FIG4: variants seen among roughly 807,000 people sequenced by gnomAD.
FIG4 encodes the protein polyphosphoinositide phosphatase.
In FIG4, 112 loss-of-function variants were observed where a neutral mutation model predicts 118.6. The ratio of observed to expected loss-of-function variants is 0.94; its 90% CI spans 0.81 to 1.11. The LOEUF (loss-of-function observed/expected upper bound fraction) is 1.11. Among genes scored for constraint, FIG4 ranks in the 50% least tolerant of loss-of-function variants. The pLI, the probability that FIG4 is intolerant of heterozygous loss-of-function variation, is 0.00. For missense variants in FIG4, 969 were observed against 1,111.7 expected, an observed-to-expected ratio of 0.87 and a Z score of 1.83; for synonymous variants, 369 against 381.2, an observed-to-expected ratio of 0.97 and a Z score of 0.37.
chr6:109,802,975 G>A (rs770900875), intron 22 of FIG4, among the ~76,000 whole-genome samples: 24 of 152,088 alleles, frequency 1.6e-4, no homozygotes, highest in Non-Finnish European at 2.9e-4. Context: ...TATCACGAAC[G>A]AGAGCTTTCA....
At chr6:109,727,315 C>G (rs1775853543) in intron 4 of FIG4, 50 bp downstream of exon 4, 1 of 1,471,890 alleles carries the variant, frequency 6.8e-7, no homozygotes, top group South Asian at 1.1e-5. Flanking sequence ...AGGTCTTGCC[C>G]TGTTGCCCAG....
chr6:109,713,272 T>C (rs1052491389), intron 1 of FIG4, among the ~76,000 whole-genome samples: 1 of 152,150 alleles, frequency 6.6e-6, no homozygotes, highest in Non-Finnish European at 1.5e-5. Context: ...CCTGCCTCCA[T>C]GTGGGCATTC....
At chr6:109,779,145 G>A (rs760489231) in intron 16 of FIG4, among the ~76,000 whole-genome samples, 1 of 152,084 alleles carries the variant, frequency 6.6e-6, no homozygotes, top group Non-Finnish European at 1.5e-5. Flanking sequence ...TTTGTTGAGA[G>A]ATGGGTATAA....
chr6:109,716,415 A>G (rs766794640), intron 2 of FIG4, 30 bp from the exon 3 acceptor site: 2 of 1,611,080 alleles, frequency 1.2e-6, no homozygotes, highest in Non-Finnish European at 1.7e-6. Flanking sequence ...TTTAAGCACA[A>G]CCTTACAGAG....
intron 22 of FIG4, among the ~76,000 whole-genome samples, chr6:109,807,118 C>G (rs1438232999): frequency 6.6e-6 from 1 of 152,268 alleles, no homozygotes; most frequent in African/African-American, 2.4e-5. Context: ...CCTTTGGGTA[C>G]ATACCCAATA....
At chr6:109,758,643 A>G (rs1207229104) in intron 10 of FIG4, among the ~76,000 whole-genome samples, 2 of 152,226 alleles carry the variant, frequency 1.3e-5, no homozygotes, top group African/African-American at 2.4e-5. Context: ...CTGCACAGTA[A>G]AAGAAACTAT....
chr6:109,780,580 C>T (rs1180095008), intron 16 of FIG4, among the ~76,000 whole-genome samples: 1 of 152,090 alleles, frequency 6.6e-6, no homozygotes, highest in Admixed American at 6.6e-5. Context: ...ACGGGATGCC[C>T]ATAAAGTCTG....
At chr6:109,716,195 C>T (rs1003413390) in intron 2 of FIG4, among the ~76,000 whole-genome samples, 3 of 152,172 alleles carry the variant, frequency 2.0e-5, no homozygotes, top group Admixed American at 6.5e-5. Flanking sequence ...TAAATCTCTG[C>T]ATCTCTGGTT....
chr6:109,739,850 G>A (rs1043602222), intron 7 of FIG4, among the ~76,000 whole-genome samples: 5 of 152,156 alleles, frequency 3.3e-5, no homozygotes, highest in Non-Finnish European at 7.4e-5. Context: ...GAGCATTTGA[G>A]AGGAGTGGTG....
intron 21 of FIG4, among the ~76,000 whole-genome samples, chr6:109,794,259 C>T (rs561476888): frequency 6.6e-5 from 10 of 152,280 alleles, no homozygotes; most frequent in South Asian, 2.1e-4. Flanking sequence ...GGGCTAATAG[C>T]GCAGCAAGTA....
At chr6:109,815,990 A>G (rs1778852701) in intron 22 of FIG4, among the ~76,000 whole-genome samples, 1 of 152,194 alleles carries the variant, frequency 6.6e-6, no homozygotes, top group African/African-American at 2.4e-5. Flanking sequence ...TGCCAGTATT[A>G]AAGATAATTA....
At chr6:109,777,100 G>C in intron 16 of FIG4, 40 bp downstream of exon 16, 1 of 1,558,286 alleles carries the variant, frequency 6.4e-7, no homozygotes, top group Non-Finnish European at 8.8e-7. Flanking sequence ...CTCCCATTTG[G>C]TGTTATTTTG....
At chr6:109,788,609 C>T (rs1437702267) in intron 18 of FIG4, among the ~76,000 whole-genome samples, 1 of 152,184 alleles carries the variant, frequency 6.6e-6, no homozygotes, top group African/African-American at 2.4e-5. Context: ...TTGGGGGTTA[C>T]AGATACACCT....
chr6:109,750,095 C>T (rs1776643739), intron 10 of FIG4, among the ~76,000 whole-genome samples: 1 of 152,174 alleles, frequency 6.6e-6, no homozygotes, highest in African/African-American at 2.4e-5. Flanking sequence ...ATTCTACCAC[C>T]ATATGAAGAA....
In FIG4 at chr6:109,825,190, C is replaced by A; in HGVS notation, c.2649C>A (p.Ser883Arg). ...TCTTCCAAGCCCACATCCAGGCCAGCCAAGGTATCATGCAGCCCCTAGGAA... is the reference window on the plus strand; with the variant it reads ...TCTTCCAAGCCCACATCCAGGCCAGACAAGGTATCATGCAGCCCCTAGGAA... ...TEIFQAHIQA[S>R]QGIMQPLGKE... The change falls in exon 23 of 23, where the codon AGC becomes AGA. Residue 883 changes from serine to arginine, a missense_variant. This residue lies in a region of FIG4 where 330 missense variants were observed against 348.1 expected (regional missense o/e 0.95). Transcript: ENST00000230124. 6.2e-7 allele frequency: 1 copy of A among 1,614,056 alleles called. No homozygotes were observed. The highest frequency in any genetic ancestry group is 8.5e-7 in the Non-Finnish European group (1 of 1,179,962).
At chr6:109,816,073 A>C (rs966328936) in intron 22 of FIG4, among the ~76,000 whole-genome samples, 4 of 152,154 alleles carry the variant, frequency 2.6e-5, no homozygotes, top group Non-Finnish European at 5.9e-5. Context: ...AATCCAGTAC[A>C]CTCGGGCCAA....
At chr6:109,750,602 C>T (rs896578671) in intron 10 of FIG4, among the ~76,000 whole-genome samples, 3 of 152,012 alleles carry the variant, frequency 2.0e-5, no homozygotes, top group Admixed American at 6.6e-5. Context: ...CATTGCGTTC[C>T]AGCCTGGGCG....
At chr6:109,820,053 G>A (rs1778963252) in intron 22 of FIG4, among the ~76,000 whole-genome samples, 1 of 152,198 alleles carries the variant, frequency 6.6e-6, no homozygotes, top group Admixed American at 6.5e-5. Context: ...TGGGAACAGA[G>A]GAGAGGGGCA....
chr6:109,708,439 G>T (rs547137337), intron 1 of FIG4, among the ~76,000 whole-genome samples: 99 of 152,324 alleles, frequency 6.5e-4, no homozygotes, highest in Middle Eastern at 3.4e-3. Flanking sequence ...ACACGTGCAT[G>T]TGTCTTTATA....
Sources: allele counts gnomAD v4.1 joint callset (sites outside exome capture counted in the v4.1 genomes callset), GRCh38; gene constraint gnomAD v4.1.1; regional missense constraint gnomAD v4.1.1; transcripts MANE v1.5; gene names NCBI Gene and HGNC (gene_info 2026-07-23, HGNC 2026-07-21).